DOCK5: variants seen among roughly 807,000 people sequenced by gnomAD.
The protein encoded by DOCK5 is dedicator of cytokinesis 5.
DOCK5 carries 142 observed loss-of-function variants against 251.8 expected under a neutral mutation model. The observed-to-expected ratio is 0.56, with a 90% CI of 0.49 to 0.65. The LOEUF is 0.65. Ranked by LOEUF, DOCK5 falls within the 30% of genes least tolerant of loss-of-function variation. The pLI, the probability that DOCK5 is intolerant of heterozygous loss-of-function variation, is 0.00. For synonymous variants in DOCK5, 842 were observed against 835.5 expected (o/e 1.01, Z -0.13); for missense variants, 2,111 against 2,312.3 (o/e 0.91, Z 1.79).
At chr8:25,399,321 G>A (rs1801397956) in intron 45 of DOCK5, among the ~76,000 whole-genome samples, 1 of 152,090 alleles carries the variant, frequency 6.6e-6, no homozygotes, top group South Asian at 2.1e-4. Context: ...ATAATAATAA[G>A]GGCAACCAGC....
intron 5 of DOCK5, among the ~76,000 whole-genome samples, chr8:25,291,507 A>G (rs770143273): frequency 4.6e-5 from 7 of 150,850 alleles, no homozygotes; most frequent in Non-Finnish European, 1.0e-4. Context: ...ACGTGATGAA[A>G]CCCCATCTCT....
At chr8:25,333,170 T>A (rs1032921133) in intron 20 of DOCK5, among the ~76,000 whole-genome samples, 1 of 152,118 alleles carries the variant, frequency 6.6e-6, no homozygotes, top group Admixed American at 6.6e-5. Context: ...TGAAATCAGA[T>A]CAGGGATAAG....
chr8:25,361,943 TC>T (rs1454553696), intron 28 of DOCK5, among the ~76,000 whole-genome samples: 12 of 152,340 alleles, frequency 7.9e-5, no homozygotes, highest in African/African-American at 2.9e-4. Context: ...CTTTCAAGAA[TC>T]CCAGTGGAAA....
At chr8:25,384,237 A>C (rs978915823) in intron 40 of DOCK5, among the ~76,000 whole-genome samples, 3 of 152,148 alleles carry the variant, frequency 2.0e-5, no homozygotes, top group Non-Finnish European at 4.4e-5. Context: ...AACGCTTCCT[A>C]TCAGGACAGA....
chr8:25,272,882 AG>A (rs1286065758), intron 3 of DOCK5, among the ~76,000 whole-genome samples: 1 of 152,020 alleles, frequency 6.6e-6, no homozygotes, highest in African/African-American at 2.4e-5. Flanking sequence ...ATCCCCCGCA[AG>A]CCCCTCAGAA....
intron 5 of DOCK5, among the ~76,000 whole-genome samples, chr8:25,288,579 A>G (rs926645267): frequency 1.3e-5 from 2 of 152,216 alleles, no homozygotes; most frequent in African/African-American, 2.4e-5. Flanking sequence ...GGATCCCCGG[A>G]GCCTTTGAAC....
chr8:25,282,849 CAAAAAAAAAAAAA>C lies in DOCK5; in HGVS notation c.321+4203_321+4215del, dbSNP rs56687628. Among the ~76,000 whole-genome samples the C allele has an allele frequency of 1.2e-3, 46 of 39,610 alleles. 1 individual carries two copies. The highest frequency in any genetic ancestry group is 3.5e-3 in the African/African-American group (40 of 11,542). 26.0% of individuals were successfully genotyped at this position (39,610 alleles called of 152,430 possible). ...TGGGTGACACAGTAAGACCCTTTCT[CAAAAAAAAAAAAA>C]AAAAAAAAAAAAAAAAAAGATACCT... On this transcript the variant is annotated intron_variant, in intron 5 of 51. Coordinates refer to ENST00000276440, the MANE Select transcript of DOCK5 (RefSeq NM_024940.8).
chr8:25,322,386 G>A (rs1206000997), intron 16 of DOCK5, among the ~76,000 whole-genome samples: 3 of 152,250 alleles, frequency 2.0e-5, no homozygotes, highest in East Asian at 3.8e-4. Flanking sequence ...TTGAAGGTGA[G>A]TAGAAATTAG....
At chr8:25,288,665 C>T (rs538098646) in intron 5 of DOCK5, among the ~76,000 whole-genome samples, 14 of 152,226 alleles carry the variant, frequency 9.2e-5, no homozygotes, top group African/African-American at 2.9e-4. Context: ...TGGACAAATG[C>T]GTTGCAAGAA....
chr8:25,244,879 G>A (rs563367543), intron 2 of DOCK5, among the ~76,000 whole-genome samples: 2 of 152,192 alleles, frequency 1.3e-5, no homozygotes, highest in African/African-American at 4.8e-5. Flanking sequence ...AGCTCCCAGG[G>A]GCAGAGAGAA....
At chr8:25,343,377 T>C (rs1324210115) in intron 25 of DOCK5, among the ~76,000 whole-genome samples, 1 of 152,180 alleles carries the variant, frequency 6.6e-6, no homozygotes, top group Non-Finnish European at 1.5e-5. Flanking sequence ...AACATTAATA[T>C]TGTTGCCAGT....
chr8:25,340,008 C>A (rs1167869680), intron 22 of DOCK5, among the ~76,000 whole-genome samples: 1 of 152,094 alleles, frequency 6.6e-6, no homozygotes, highest in Non-Finnish European at 1.5e-5. Context: ...GTAGGATTTG[C>A]TGTTGGGTTT....
intron 2 of DOCK5, among the ~76,000 whole-genome samples, chr8:25,260,176 G>A (rs150878866): frequency 2.0e-5 from 3 of 151,690 alleles, no homozygotes; most frequent in Non-Finnish European, 2.9e-5. Flanking sequence ...ACAGCTCACC[G>A]GGGATGGGAG....
At chr8:25,375,213 T>C in intron 37 of DOCK5, 1 of 172,116 alleles carries the variant, frequency 5.8e-6, no homozygotes, top group Non-Finnish European at 1.2e-5. Context: ...TCTTTGCTCC[T>C]CCCCAGCCCA....
chr8:25,332,425 C>T, intron 19 of DOCK5, 77 bp downstream of exon 19: 1 of 1,280,288 alleles, frequency 7.8e-7, no homozygotes, highest in Non-Finnish European at 1.1e-6. Flanking sequence ...AATTGGTTCA[C>T]CATTTAAAAT....
intron 2 of DOCK5, among the ~76,000 whole-genome samples, chr8:25,250,173 C>A (rs941767515): frequency 6.6e-6 from 1 of 152,122 alleles, no homozygotes; most frequent in Non-Finnish European, 1.5e-5. Flanking sequence ...CCAAAACAGG[C>A]GACCAGAGTC....
At position 25,411,192 on chromosome 8, in the gene DOCK5, A is replaced by T. The variant is rs766205794; in HGVS notation, c.5509-2A>T. 2.6e-6 allele frequency: 4 copies of T among 1,562,826 alleles called. No homozygotes were observed. In the South Asian group the frequency reaches 4.7e-5, roughly 19 times the overall value. On this transcript the variant is annotated splice_acceptor_variant, in intron 51 of 51. Transcript: ENST00000276440. LOFTEE classifies it high-confidence loss of function. ...TCTAATTTTGTGTTTCTGCTTCTGC[A>T]GCTCGCTCCCCCACTGCCTGTCCGA...
chr8:25,308,396 C>G (rs935069677), intron 11 of DOCK5, among the ~76,000 whole-genome samples: 3 of 152,022 alleles, frequency 2.0e-5, no homozygotes, highest in Non-Finnish European at 4.4e-5. Context: ...CCAAAGGGAG[C>G]CTCTTGCAGA....
At chr8:25,237,468 A>T (rs1223841784) in intron 1 of DOCK5, among the ~76,000 whole-genome samples, 1 of 152,242 alleles carries the variant, frequency 6.6e-6, no homozygotes, top group Non-Finnish European at 1.5e-5. Flanking sequence ...GCAGCCAGTA[A>T]GTCTGTTCTG....
Sources: allele counts gnomAD v4.1 joint callset (sites outside exome capture counted in the v4.1 genomes callset), GRCh38; gene constraint gnomAD v4.1.1; transcripts MANE v1.5; gene names NCBI Gene and HGNC (gene_info 2026-07-23, HGNC 2026-07-21).